The following HTR7 variants were observed in gnomAD, a reference collection of about 807,000 sequenced individuals.
HTR7 encodes 5-HT-7.
A neutral mutation model predicts 34.0 loss-of-function variants in HTR7; 16 were observed. That is an observed-to-expected ratio of 0.47 (90% confidence interval 0.32 to 0.71). The LOEUF (loss-of-function observed/expected upper bound fraction) is 0.71, where lower values mean the gene tolerates loss of function less well. HTR7 is among the 30% of genes least tolerant of loss of function. HTR7 has a pLI of 0.04. For missense variants in HTR7, 504 were observed against 625.5 expected (o/e 0.81, Z 2.07); for synonymous variants, 265 against 260.2 (o/e 1.02, Z -0.18).
chr10:90,756,355 GTT>G (rs1020332189), intron 1 of HTR7, among the ~76,000 whole-genome samples: 1 of 152,130 alleles, frequency 6.6e-6, no homozygotes, highest in African/African-American at 2.4e-5. Flanking sequence ...TGTAAATCAG[GTT>G]TTTTTAAATA....
At chr10:90,817,284 C>A (rs1214140044) in intron 1 of HTR7, among the ~76,000 whole-genome samples, 1 of 152,166 alleles carries the variant, frequency 6.6e-6, no homozygotes, top group Non-Finnish European at 1.5e-5. Context: ...CCTGATACTC[C>A]CACCTTCAGG....
Position 90,747,055 on chromosome 10 carries a change from C to T in HTR7, c.1295+1784G>A, listed in dbSNP as rs150074351. The stretch of plus-strand genomic sequence containing the variant: ...ACTGCATAACATTCAATACAAGCAT[C>T]GGGGTGATTCATATCACAGCTACCA... On this transcript the variant is annotated intron_variant, in intron 2 of 3. Transcript: ENST00000336152. Among the ~76,000 whole-genome samples, 44 of 152,274 alleles carry T rather than the reference C, an allele frequency of 2.9e-4. No homozygotes were observed. The East Asian group carries it at 7.9e-3, about 27-fold the overall frequency.
intron 1 of HTR7, among the ~76,000 whole-genome samples, chr10:90,829,339 C>G (rs538214952): frequency 6.6e-6 from 1 of 152,148 alleles, no homozygotes; most frequent in Non-Finnish European, 1.5e-5. Context: ...ATCTAGAACA[C>G]GATAAGGATC....
chr10:90,781,781 G>C (rs1201930769), intron 1 of HTR7, among the ~76,000 whole-genome samples: 2 of 152,156 alleles, frequency 1.3e-5, no homozygotes, highest in Non-Finnish European at 2.9e-5. Context: ...TCTAGATTTA[G>C]CTGGAAAAAG....
At chr10:90,760,381 G>C (rs1327407814) in intron 1 of HTR7, among the ~76,000 whole-genome samples, 1 of 152,110 alleles carries the variant, frequency 6.6e-6, no homozygotes, top group African/African-American at 2.4e-5. Flanking sequence ...ATTTGTTAAA[G>C]GATACAAAAT....
At chr10:90,800,263 C>T (rs1845603914) in intron 1 of HTR7, among the ~76,000 whole-genome samples, 1 of 152,164 alleles carries the variant, frequency 6.6e-6, no homozygotes, top group African/African-American at 2.4e-5. Context: ...AAACACACAT[C>T]TATTAGCAAT....
At chr10:90,840,575 C>T (rs1400383229) in intron 1 of HTR7, among the ~76,000 whole-genome samples, 3 of 152,150 alleles carry the variant, frequency 2.0e-5, no homozygotes, top group Non-Finnish European at 4.4e-5. Context: ...GTTCTTTCAA[C>T]TCCTTCAACT....
Position 90,837,116 on chromosome 10 carries a change from A to T in HTR7, c.539+20017T>A, listed in dbSNP as rs953395132. Among the ~76,000 whole-genome samples the T allele has an allele frequency of 2.4e-4, 37 of 152,152 alleles. 1 individual carries two copies. Among genetic ancestry groups the T allele is most frequent in the Admixed American group, 2.1e-3 (32 of 15,270 alleles). On this transcript the variant is annotated intron_variant, in intron 1 of 3. Coordinates refer to ENST00000336152, the MANE Select transcript of HTR7 (RefSeq NM_019859.4). ...CTCAGTTCATTAGAGTCATTTATTCATTTAGAAATATTTTTGCATCCTGAC... is the reference window on the plus strand; with the variant it reads ...CTCAGTTCATTAGAGTCATTTATTCTTTTAGAAATATTTTTGCATCCTGAC...
intron 1 of HTR7, among the ~76,000 whole-genome samples, chr10:90,855,814 TG>T (rs1278320972): frequency 6.6e-6 from 1 of 152,244 alleles, no homozygotes; most frequent in Admixed American, 6.5e-5. Flanking sequence ...ATATATAAAA[TG>T]GTAGAATCAA....
At chr10:90,744,795 T>C (rs541020414) in intron 2 of HTR7, among the ~76,000 whole-genome samples, 71 of 152,182 alleles carry the variant, frequency 4.7e-4, no homozygotes, top group Non-Finnish European at 1.0e-3. Flanking sequence ...TTCTTGGAGC[T>C]AGCATAGAAG....
Position 90,748,975 on chromosome 10 carries a change from A to T in HTR7, c.1159T>A (p.Phe387Ile). The change falls in exon 2 of 4, where the codon TTC (phenylalanine) becomes ATC (isoleucine). Residue 387 changes from phenylalanine (F) to isoleucine (I), a missense_variant. Phe to Ile is a conservative substitution (Grantham distance 21, BLOSUM62 0). This residue lies in a region of HTR7 where 154 missense variants were observed against 212.1 expected (regional missense o/e 0.73). Coordinates refer to ENST00000336152, the MANE Select transcript of HTR7 (RefSeq NM_019859.4). ...SLINPFIYAF[F>I]NRDLRTTYRS... ...TAGGTGGTCCTCAGGTCCCGGTTGAAGAAGGCATATATAAAAGGGTTAATG... is the reference window on the plus strand; with the variant it reads ...TAGGTGGTCCTCAGGTCCCGGTTGATGAAGGCATATATAAAAGGGTTAATG... The T allele has an allele frequency of 6.2e-7, 1 of 1,614,150 alleles. No homozygotes were observed. Among genetic ancestry groups the T allele is most frequent in the Non-Finnish European group, 8.5e-7 (1 of 1,180,012 alleles).
At chr10:90,748,787 CT>C (rs758286767) in intron 2 of HTR7, 51 bp downstream of exon 2, 36 of 1,528,234 alleles carry the variant, frequency 2.4e-5, no homozygotes, top group Non-Finnish European at 2.7e-5. Flanking sequence ...CCTCAAAAAG[CT>C]GCATAAAAGG....
intron 1 of HTR7, among the ~76,000 whole-genome samples, chr10:90,792,815 A>C (rs945178578): frequency 1.2e-4 from 19 of 152,292 alleles, no homozygotes; most frequent in African/African-American, 4.1e-4. Flanking sequence ...GTATTTCAAC[A>C]ACTGGTGCTG....
chr10:90,758,063 C>A (rs892686515), intron 1 of HTR7, among the ~76,000 whole-genome samples: 1 of 152,056 alleles, frequency 6.6e-6, no homozygotes, highest in Admixed American at 6.5e-5. Flanking sequence ...GACAGACACA[C>A]CTGGCCAGGT....
chr10:90,831,062 ATC>A (rs143656204), intron 1 of HTR7, among the ~76,000 whole-genome samples: 9,209 of 152,234 alleles, frequency 0.06, 359 homozygotes, highest in Non-Finnish European at 0.094. Context: ...GTACTACATA[ATC>A]TCTAAAATTC....
chr10:90,799,124 T>C (rs1354591817), intron 1 of HTR7, among the ~76,000 whole-genome samples: 3 of 152,116 alleles, frequency 2.0e-5, no homozygotes, highest in African/African-American at 2.4e-5. Context: ...AACTGGCTCA[T>C]CTGATCTTGT....
chr10:90,827,750 C>G (rs1189878033), intron 1 of HTR7, among the ~76,000 whole-genome samples: 1 of 152,164 alleles, frequency 6.6e-6, no homozygotes, highest in Non-Finnish European at 1.5e-5. Flanking sequence ...TAGCGCTAAA[C>G]AGAGAGATAA....
intron 1 of HTR7, among the ~76,000 whole-genome samples, chr10:90,778,662 C>G (rs1056429222): frequency 1.3e-5 from 2 of 152,206 alleles, no homozygotes; most frequent in Admixed American, 1.3e-4. Context: ...AACGTGGCTC[C>G]TTTAAATGAA....
intron 2 of HTR7, among the ~76,000 whole-genome samples, chr10:90,747,118 T>C (rs1042910415): frequency 1.3e-5 from 2 of 152,244 alleles, no homozygotes; most frequent in African/African-American, 4.8e-5. Flanking sequence ...TTACTTTTGT[T>C]CCTGAGCCTT....
Sources: gnomAD v4.1 joint callset for allele counts (sites outside exome capture counted in the v4.1 genomes callset) on GRCh38, gnomAD v4.1.1 for gene constraint, gnomAD v4.1.1 regional missense constraint, MANE v1.5 for transcripts, NCBI Gene and HGNC (gene_info 2026-07-23, HGNC 2026-07-21) for gene names.